RAD51AP2: variants seen among roughly 807,000 people sequenced by gnomAD.
The protein encoded by RAD51AP2 is RAD51 associated protein 2.
A neutral mutation model predicts 85.5 loss-of-function variants in RAD51AP2; 67 were observed. That is an observed-to-expected ratio of 0.78 (90% confidence interval 0.64 to 0.96). The LOEUF (loss-of-function observed/expected upper bound fraction) is 0.96. RAD51AP2 is among the 40% of genes least tolerant of loss of function. The probability of loss-of-function intolerance (pLI) is 0.00; values close to 1 mark genes in which losing one functional copy is unlikely to be tolerated. For missense variants in RAD51AP2, 1,307 were observed against 1,332.4 expected (o/e 0.98, Z 0.30); for synonymous variants, 474 against 446.5 (o/e 1.06, Z -0.78).
chr2:17,534,406 G>C, the RAD51AP2 span, among the ~76,000 whole-genome samples: 1 of 152,114 alleles, frequency 6.6e-6, no homozygotes, highest in African/African-American at 2.4e-5. Flanking sequence ...CGGAAAGATA[G>C]AAACTAGTAG....
In RAD51AP2 at chr2:17,516,805, C is replaced by T. The variant is rs1662689705; in HGVS notation, c.1611G>A (p.Lys537=). ...CAATTATACCAATTTGCTTTTTACA[C>T]TTCAAAATGTTACAGCAGGTTAAAA... The part of the protein sequence containing the change: ...NSILTCCNIL[K]CKKQIGIIGI... Residue 537 remains lysine (K), a synonymous_variant, in exon 1 of 3, where the codon AAG becomes AAA. Transcript: ENST00000399080. The T allele has an allele frequency of 6.4e-7, 1 of 1,551,230 alleles. No individual in the cohort carries two copies.
the RAD51AP2 span, among the ~76,000 whole-genome samples, chr2:17,524,936 T>A: frequency 3.5e-4 from 53 of 151,904 alleles, no homozygotes; most frequent in African/African-American, 1.3e-3. Context: ...CTAGGAAGCC[T>A]CAGGAGAGTA....
chr2:17,530,584 C>CAAAA, the RAD51AP2 span, among the ~76,000 whole-genome samples: 69 of 80,250 alleles, frequency 8.6e-4, 2 homozygotes, highest in African/African-American at 3.1e-3. Flanking sequence ...GGCCCTGTCT[C>CAAAA]AAAAAAAAAA....
chr2:17,526,213 T>A, the RAD51AP2 span, among the ~76,000 whole-genome samples: 2 of 152,084 alleles, frequency 1.3e-5, no homozygotes, highest in South Asian at 4.1e-4. Context: ...TTCTTTTTTT[T>A]ATTTTTGCAT....
In RAD51AP2 at chr2:17,516,367, T is replaced by C. The variant is rs372872527; in HGVS notation, c.2049A>G (p.Glu683=). The C allele has an allele frequency of 6.2e-6, 10 of 1,611,690 alleles. No individual in the cohort carries two copies. Among genetic ancestry groups the C allele is most frequent in the Non-Finnish European group, 8.5e-6 (10 of 1,179,298 alleles). ...TTQNTGFPIF[E]TYEKIPLLMD... ...TTAAAAGGGGAATTTTTTCATATGTTTCAAAAATCGGAAAACCTGTATTTT... is the reference window on the plus strand; with the variant it reads ...TTAAAAGGGGAATTTTTTCATATGTCTCAAAAATCGGAAAACCTGTATTTT... The change falls in exon 1 of 3, where the codon GAA becomes GAG. Residue 683 remains glutamate, a synonymous_variant. Coordinates refer to ENST00000399080, the MANE Select transcript of RAD51AP2 (RefSeq NM_001099218.3).
rs141783408 is a variant in RAD51AP2 at position 17,512,118 on chromosome 2, G to A, written c.3329-1163C>T. Among the ~76,000 whole-genome samples the A allele has an allele frequency of 2.2e-3, 334 of 152,238 alleles. 1 individual carries two copies. The highest frequency in any genetic ancestry group is 3.4e-3 in the Middle Eastern group (1 of 294). On this transcript the variant is annotated intron_variant, in intron 2 of 2. Transcript: ENST00000399080. ...ACTTGCCTTCACACCACAGAGAGAAGAGAGAGATGGAAAGAGAGAAGGGAT... is the reference window on the plus strand; with the variant it reads ...ACTTGCCTTCACACCACAGAGAGAAAAGAGAGATGGAAAGAGAGAAGGGAT...
At chr2:17,527,405 T>G in the RAD51AP2 span, among the ~76,000 whole-genome samples, 3 of 152,050 alleles carry the variant, frequency 2.0e-5, no homozygotes, top group African/African-American at 7.2e-5. Flanking sequence ...AAGACAATAT[T>G]TGTGTGTTTC....
the RAD51AP2 span, among the ~76,000 whole-genome samples, chr2:17,535,290 G>A: frequency 6.6e-6 from 1 of 152,162 alleles, no homozygotes. Flanking sequence ...GTATACTGCA[G>A]GTAACACAGA....
upstream of RAD51AP2, chr2:17,518,517 A>T (rs1161603913): frequency 1.4e-6 from 2 of 1,435,338 alleles, no homozygotes; most frequent in Non-Finnish European, 1.9e-6. Flanking sequence ...GCCCCTCAAG[A>T]CCTGGCCTTA....
chr2:17,526,528 G>A, the RAD51AP2 span, among the ~76,000 whole-genome samples: 2 of 152,112 alleles, frequency 1.3e-5, no homozygotes, highest in Non-Finnish European at 2.9e-5. Flanking sequence ...CTTCTACCGA[G>A]TTTGATTTAT....
upstream of RAD51AP2, among the ~76,000 whole-genome samples, chr2:17,521,688 A>G (rs574303207): frequency 4.6e-5 from 7 of 152,154 alleles, no homozygotes; most frequent in East Asian, 9.6e-4. Flanking sequence ...TGCATATAAG[A>G]TTAAGTTTTT....
the RAD51AP2 span, among the ~76,000 whole-genome samples, chr2:17,524,165 C>T: frequency 2.0e-5 from 3 of 151,988 alleles, no homozygotes; most frequent in Admixed American, 6.6e-5. Context: ...CTTCACTCTC[C>T]TCTCCTGTGC....
chr2:17,514,776 A>C (rs1291769034), intron 1 of RAD51AP2, among the ~76,000 whole-genome samples: 1 of 152,212 alleles, frequency 6.6e-6, no homozygotes, highest in Admixed American at 6.5e-5. Flanking sequence ...TCTCAAAAAA[A>C]AGAAGTTAAG....
At chr2:17,534,630 G>A in the RAD51AP2 span, among the ~76,000 whole-genome samples, 6 of 151,664 alleles carry the variant, frequency 4.0e-5, no homozygotes, top group Admixed American at 6.6e-5. Flanking sequence ...ATGAAATGGG[G>A]GTAATGCTCT....
At chr2:17,536,779 T>C in the RAD51AP2 span, among the ~76,000 whole-genome samples, 1 of 152,160 alleles carries the variant, frequency 6.6e-6, no homozygotes, top group East Asian at 1.9e-4. Context: ...GAATTTTTAT[T>C]CCCTTCTCTG....
chr2:17,530,584 C>CAAA, the RAD51AP2 span, among the ~76,000 whole-genome samples: 180 of 80,232 alleles, frequency 2.2e-3, 12 homozygotes, highest in African/African-American at 8.6e-3. Flanking sequence ...GGCCCTGTCT[C>CAAA]AAAAAAAAAA....
chr2:17,533,525 T>A, the RAD51AP2 span, among the ~76,000 whole-genome samples: 2 of 152,242 alleles, frequency 1.3e-5, no homozygotes, highest in African/African-American at 4.8e-5. Context: ...AGTGTTTATT[T>A]CTTCTAATGT....
rs1220599249 is a variant in RAD51AP2 at position 17,518,048 on chromosome 2, G to T, written c.368C>A (p.Pro123His). Residue 123 changes from proline to histidine, a missense_variant, in exon 1 of 3, where the codon CCT becomes CAT. Physicochemically the swap from Pro to His is moderately conservative, Grantham distance 77. Around this residue, in one of 3 missense-constraint regions of RAD51AP2, gnomAD observed 635 missense variants for 643.6 expected, o/e 0.99. Transcript: ENST00000399080. Reference sequence around the variant, plus strand: ...TCCTGAAGCCCTCAAATCAGAATCAGGACTTTGTGAGGGGGGAGACTGCAA... The same window carrying T: ...TCCTGAAGCCCTCAAATCAGAATCATGACTTTGTGAGGGGGGAGACTGCAA... ...SCLQSPPSQS[P>H]DSDLRASGRS... 1 of 1,614,180 alleles carries T rather than the reference G, an allele frequency of 6.2e-7. No homozygotes were observed. The highest frequency in any genetic ancestry group is 1.7e-5 in the Admixed American group (1 of 60,030).
At chr2:17,525,506 T>C in the RAD51AP2 span, among the ~76,000 whole-genome samples, 6 of 152,042 alleles carry the variant, frequency 3.9e-5, no homozygotes, top group Non-Finnish European at 8.8e-5. Context: ...TCCCTAATTT[T>C]TAATAGTTTC....
Sources: gnomAD v4.1 joint callset for allele counts (sites outside exome capture counted in the v4.1 genomes callset) on GRCh38, gnomAD v4.1.1 for gene constraint, gnomAD v4.1.1 regional missense constraint, MANE v1.5 for transcripts, NCBI Gene and HGNC (gene_info 2026-07-23, HGNC 2026-07-21) for gene names.